Variants in CSMD3 observed in about 807,000 individuals in gnomAD.
CSMD3 encodes the protein CUB and Sushi multiple domains 3.
CSMD3 carries 177 observed loss-of-function variants against 435.2 expected under a neutral mutation model. The observed-to-expected ratio is 0.41, with a 90% CI of 0.36 to 0.46. The LOEUF is 0.46. Among genes scored for constraint, CSMD3 ranks in the 20% least tolerant of loss-of-function variants. The pLI is 0.34. For missense variants in CSMD3, 4,265 were observed against 4,504.6 expected, an observed-to-expected ratio of 0.95 and a Z score of 1.52; for synonymous variants, 1,656 against 1,520.5, an observed-to-expected ratio of 1.09 and a Z score of -2.07.
At chr8:113,384,887 C>A (rs888956674) in intron 1 of CSMD3, among the ~76,000 whole-genome samples, 2 of 152,128 alleles carry the variant, frequency 1.3e-5, no homozygotes, top group African/African-American at 4.8e-5. Flanking sequence ...CCAGCCTGGG[C>A]ACCCAAAACA....
At chr8:112,275,335 G>A (rs1431116399) in intron 59 of CSMD3, among the ~76,000 whole-genome samples, 3 of 152,034 alleles carry the variant, frequency 2.0e-5, no homozygotes, top group African/African-American at 4.8e-5. Flanking sequence ...ATCACCTGAT[G>A]TCAGGAGTTC....
chr8:112,970,395 C>CAAAAAAAA (rs11284034), intron 7 of CSMD3, among the ~76,000 whole-genome samples: 13 of 82,194 alleles, frequency 1.6e-4, no homozygotes, highest in African/African-American at 5.7e-4. Context: ...GACTCCCTCT[C>CAAAAAAAA]AAAAAAAAAA....
At chr8:112,352,058 A>T (rs1244144943) in intron 39 of CSMD3, among the ~76,000 whole-genome samples, 1 of 152,114 alleles carries the variant, frequency 6.6e-6, no homozygotes, top group African/African-American at 2.4e-5. Flanking sequence ...CTTTATTTTC[A>T]AATTCTAAAA....
intron 3 of CSMD3, among the ~76,000 whole-genome samples, chr8:113,243,303 AG>A (rs935278486): frequency 2.0e-5 from 3 of 152,116 alleles, no homozygotes; most frequent in African/African-American, 7.2e-5. Context: ...TGGTACATTA[AG>A]GGAAATGTCA....
intron 5 of CSMD3, among the ~76,000 whole-genome samples, chr8:113,023,624 G>T (rs957974363): frequency 3.3e-5 from 5 of 151,726 alleles, no homozygotes; most frequent in Non-Finnish European, 7.4e-5. Flanking sequence ...CATATACTTC[G>T]CTTTGAGGCT....
intron 59 of CSMD3, among the ~76,000 whole-genome samples, chr8:112,274,646 C>T (rs538012603): frequency 4.4e-4 from 67 of 152,194 alleles, no homozygotes; most frequent in African/African-American, 1.5e-3. Flanking sequence ...TGCCACTTGT[C>T]ATACAGAATT....
intron 22 of CSMD3, among the ~76,000 whole-genome samples, chr8:112,603,769 A>G (rs987603761): frequency 2.6e-5 from 4 of 152,120 alleles, no homozygotes; most frequent in Non-Finnish European, 1.5e-5. Flanking sequence ...AAATCTCCAA[A>G]AAGTTTTCTA....
chr8:112,573,437 G>A (rs1006381976), intron 24 of CSMD3, 64 bp downstream of exon 24: 2 of 1,241,138 alleles, frequency 1.6e-6, no homozygotes, highest in Admixed American at 3.4e-5. Context: ...TTTGTGCAAT[G>A]TAATTATTTA....
intron 4 of CSMD3, among the ~76,000 whole-genome samples, chr8:113,137,520 C>G (rs2091446500): frequency 6.6e-6 from 1 of 151,444 alleles, no homozygotes; most frequent in Admixed American, 6.6e-5. Context: ...AATTTATTTC[C>G]CATAGTTTTG....
At chr8:112,849,651 A>G (rs2080428740) in intron 11 of CSMD3, among the ~76,000 whole-genome samples, 2 of 151,892 alleles carry the variant, frequency 1.3e-5, no homozygotes, top group Non-Finnish European at 2.9e-5. Flanking sequence ...GCAAACTGGG[A>G]TGTTAAATAT....
chr8:112,645,076 A>G (rs770985262), intron 20 of CSMD3, 33 bp downstream of exon 20: 17 of 1,039,342 alleles, frequency 1.6e-5, no homozygotes, highest in Non-Finnish European at 2.6e-5. Context: ...AATTCAGAAG[A>G]TAGTCCAATT....
intron 38 of CSMD3, among the ~76,000 whole-genome samples, chr8:112,357,156 T>C (rs930713892): frequency 6.6e-6 from 1 of 152,088 alleles, no homozygotes; most frequent in African/African-American, 2.4e-5. Context: ...TAAGTTCCAG[T>C]CTGAGGTGGT....
intron 27 of CSMD3, among the ~76,000 whole-genome samples, chr8:112,533,383 C>T (rs952244790): frequency 1.6e-4 from 24 of 151,950 alleles, no homozygotes; most frequent in Admixed American, 3.9e-4. Context: ...GGAACATACT[C>T]ATCTATAAGG....
At chr8:112,482,141 C>T (rs1819677615) in intron 31 of CSMD3, among the ~76,000 whole-genome samples, 1 of 152,148 alleles carries the variant, frequency 6.6e-6, no homozygotes, top group African/African-American at 2.4e-5. Flanking sequence ...CATTAGATTT[C>T]CCTGGCTAGG....
At chr8:112,763,589 T>A (rs2077898070) in intron 13 of CSMD3, among the ~76,000 whole-genome samples, 1 of 147,494 alleles carries the variant, frequency 6.8e-6, no homozygotes, top group African/African-American at 2.5e-5. Flanking sequence ...AAATAATGCA[T>A]CCTAGATAAA....
In CSMD3 at chr8:113,195,814, T is replaced by TATATAC. The variant is rs1344054794; in HGVS notation, c.515-21899_515-21898insGTATAT. Among the ~76,000 whole-genome samples the TATATAC allele has an allele frequency of 3.3e-3, 436 of 133,404 alleles. 1 individual carries two copies. The highest frequency in any genetic ancestry group is 9.9e-3 in the African/African-American group (340 of 34,220). 87.5% of individuals were successfully genotyped at this position (133,404 alleles called of 152,430 possible). A position where few individuals can be genotyped will look rare whatever the true frequency, so the allele number is the denominator to read the frequency against. ...TTTTATATATATATATATATATATATACACACACACACACACACACACACA... is the reference window on the plus strand; with the variant it reads ...TTTTATATATATATATATATATATATATATACACACACACACACACACACACACACA... On this transcript the variant is annotated intron_variant, in intron 3 of 70. Coordinates refer to ENST00000297405, the MANE Select transcript of CSMD3 (RefSeq NM_198123.2).
At chr8:113,221,245 T>C (rs2092962621) in intron 3 of CSMD3, among the ~76,000 whole-genome samples, 1 of 151,122 alleles carries the variant, frequency 6.6e-6, no homozygotes, top group African/African-American at 2.4e-5. Context: ...ACTCTGATAA[T>C]GTACGAAAAT....
rs2077808559 is a variant in CSMD3, at chr8:112,760,351, A to G, written c.1972+39811T>C. On this transcript the variant is annotated intron_variant, in intron 13 of 70. Coordinates refer to ENST00000297405, the MANE Select transcript of CSMD3 (RefSeq NM_198123.2). ...GTAAAGATAGACCCAGATGACTTCA[A>G]GCAGGCACTTTATTTCAGTTATTTG... Among the ~76,000 whole-genome samples, 6 of 152,318 alleles carry G rather than the reference A, an allele frequency of 3.9e-5. 1 individual carries two copies. In the South Asian group the frequency reaches 1.2e-3, roughly 32 times the overall value.
At chr8:113,075,795 T>A (rs1466950069) in intron 5 of CSMD3, among the ~76,000 whole-genome samples, 14 of 151,548 alleles carry the variant, frequency 9.2e-5, no homozygotes, top group Admixed American at 9.2e-4. Context: ...AAATAATAGA[T>A]GAAAAAAAAT....
Sources: gnomAD v4.1 joint callset for allele counts (sites outside exome capture counted in the v4.1 genomes callset) on GRCh38, gnomAD v4.1.1 for gene constraint, MANE v1.5 for transcripts, NCBI Gene and HGNC (gene_info 2026-07-23, HGNC 2026-07-21) for gene names.